Variants in MAPK10 observed in about 807,000 individuals in gnomAD.
The protein encoded by MAPK10 is JNK3 alpha protein kinase.
MAPK10 carries 25 observed loss-of-function variants against 59.3 expected under a neutral mutation model. That is an observed-to-expected ratio of 0.42 (90% CI 0.31 to 0.59). The LOEUF (loss-of-function observed/expected upper bound fraction) is 0.59. Ranked by LOEUF, MAPK10 falls within the 20% of genes least tolerant of loss-of-function variation. The pLI is 0.15. For synonymous variants in MAPK10, 190 were observed against 200.5 expected (o/e 0.95, Z 0.44); for missense variants, 351 against 568.9 (o/e 0.62, Z 3.90).
chr4:86,548,205 A>G (rs550823012), intron 1 of MAPK10, among the ~76,000 whole-genome samples: 1 of 152,120 alleles, frequency 6.6e-6, no homozygotes, highest in South Asian at 2.1e-4. Context: ...CGGGAGGAAC[A>G]AACAACTCCA....
intron 1 of MAPK10, among the ~76,000 whole-genome samples, chr4:86,544,896 A>G (rs1250087814): frequency 4.1e-5 from 6 of 147,606 alleles, no homozygotes; most frequent in Admixed American, 1.3e-4. Flanking sequence ...TTTTTTTTTC[A>G]CTATTTCAAC....
intron 1 of MAPK10, among the ~76,000 whole-genome samples, chr4:86,590,269 A>C (rs1762942275): frequency 6.6e-6 from 1 of 152,126 alleles, no homozygotes; most frequent in African/African-American, 2.4e-5. Flanking sequence ...CCGTAACCTG[A>C]ATGATACACA....
intron 2 of MAPK10, among the ~76,000 whole-genome samples, chr4:86,238,871 T>C (rs754630090): frequency 6.6e-6 from 1 of 152,222 alleles, no homozygotes; most frequent in Non-Finnish European, 1.5e-5. Context: ...CGGCCAGAAC[T>C]TCAAATACTA....
chr4:86,543,392 A>G (rs1758881959), intron 1 of MAPK10, among the ~76,000 whole-genome samples: 1 of 152,132 alleles, frequency 6.6e-6, no homozygotes, highest in Non-Finnish European at 1.5e-5. Context: ...ATGTCTAAAA[A>G]TCCTCCCTGG....
chr4:86,313,980 C>T (rs2095722136), intron 2 of MAPK10, among the ~76,000 whole-genome samples: 1 of 151,542 alleles, frequency 6.6e-6, no homozygotes, highest in Non-Finnish European at 1.5e-5. Context: ...GATATATTCA[C>T]ACAAGGAATC....
rs143264213 is a variant in MAPK10 at position 86,198,248 on chromosome 4, C to T, written c.-6-3841G>A. 4.6e-5 allele frequency among the ~76,000 whole-genome samples: 7 copies of T among 151,886 alleles called. No homozygotes were observed. In the East Asian group the frequency reaches 1.4e-3, roughly 29 times the overall value. On this transcript the variant is annotated intron_variant, in intron 2 of 13. Transcript: ENST00000641462. ...GTAGATCTAATGACTATGGGGCGGG[C>T]TCTCTGGGGCAAAGGTCAGGCATGA...
At chr4:86,520,347 CT>C (rs927118019) in intron 1 of MAPK10, among the ~76,000 whole-genome samples, 52 of 152,226 alleles carry the variant, frequency 3.4e-4, no homozygotes, top group African/African-American at 1.2e-3. Context: ...ATTGAATTAA[CT>C]TGAAAGCCTT....
At chr4:86,374,338 T>C (rs1202535444) in intron 1 of MAPK10, among the ~76,000 whole-genome samples, 2 of 152,174 alleles carry the variant, frequency 1.3e-5, no homozygotes, top group African/African-American at 2.4e-5. Context: ...CAAACCTCCA[T>C]GGCACATGTA....
intron 2 of MAPK10, among the ~76,000 whole-genome samples, chr4:86,260,238 C>T (rs1285554706): frequency 6.6e-6 from 1 of 152,032 alleles, no homozygotes; most frequent in Non-Finnish European, 1.5e-5. Flanking sequence ...TGTTCAATGT[C>T]ATTCTGTTTT....
At chr4:86,095,077 A>T (rs1242201814) in intron 9 of MAPK10, 1 of 151,872 alleles carries the variant, frequency 6.6e-6, no homozygotes, top group African/African-American at 2.4e-5. Flanking sequence ...AGTATTAAGA[A>T]GTGATCCTCT....
chr4:86,407,499 C>T lies in MAPK10; in HGVS notation c.-122+45531G>A, dbSNP rs918395591. Among the ~76,000 whole-genome samples the T allele has an allele frequency of 6.6e-5, 10 of 152,208 alleles. No homozygotes were observed. The South Asian group carries it at 1.0e-3, about 16-fold the overall frequency. ...GGCACGGCTAGAATTTGAATCCAGT[C>T]GGTCTGTTAGGAGAGTTTATGATGT... On this transcript the variant is annotated intron_variant, in intron 1 of 13. Coordinates refer to the MAPK10 transcript ENST00000361569.
intron 1 of MAPK10, chr4:86,359,015 C>G (rs1037952311): frequency 6.6e-6 from 1 of 152,120 alleles, no homozygotes; most frequent in South Asian, 2.1e-4. Flanking sequence ...TTCCTCTCCC[C>G]GGCTCAGATT....
At chr4:86,279,192 T>C (rs1002079735) in intron 2 of MAPK10, among the ~76,000 whole-genome samples, 1 of 152,184 alleles carries the variant, frequency 6.6e-6, no homozygotes, top group African/African-American at 2.4e-5. Flanking sequence ...ATTTATAGTA[T>C]ATGGAGAAAA....
chr4:86,057,843 T>C (rs2044921753), intron 11 of MAPK10, among the ~76,000 whole-genome samples: 1 of 149,982 alleles, frequency 6.7e-6, no homozygotes, highest in Non-Finnish European at 1.5e-5. Flanking sequence ...TGAAAAGTTC[T>C]TTCCTAGTGA....
At chr4:86,361,286 T>C (rs1736906825), upstream of MAPK10, among the ~76,000 whole-genome samples, 1 of 152,214 alleles carries the variant, frequency 6.6e-6, no homozygotes, top group Admixed American at 6.5e-5. Flanking sequence ...GTGAGTTGTA[T>C]GTCATTGTAG....
chr4:86,550,874 C>T (rs1343492625), intron 1 of MAPK10, among the ~76,000 whole-genome samples: 1 of 152,210 alleles, frequency 6.6e-6, no homozygotes, highest in Non-Finnish European at 1.5e-5. Flanking sequence ...CTCATCAGCA[C>T]ATGCTTCCAC....
At chr4:86,390,274 G>T (rs1742026437) in intron 1 of MAPK10, among the ~76,000 whole-genome samples, 1 of 152,136 alleles carries the variant, frequency 6.6e-6, no homozygotes, top group South Asian at 2.1e-4. Context: ...ATGATAAAAA[G>T]ATATTATTTA....
At chr4:86,325,109 A>G (rs1321864050) in intron 2 of MAPK10, among the ~76,000 whole-genome samples, 2 of 152,200 alleles carry the variant, frequency 1.3e-5, no homozygotes, top group African/African-American at 4.8e-5. Flanking sequence ...TTCTATACCT[A>G]TGAGCTTCCA....
At chr4:86,318,942 C>G (rs1303475790) in intron 2 of MAPK10, among the ~76,000 whole-genome samples, 5 of 152,084 alleles carry the variant, frequency 3.3e-5, no homozygotes, top group African/African-American at 9.7e-5. Flanking sequence ...TCTCTAAAGT[C>G]CCTTCCAACT....
Sources: gnomAD v4.1 joint callset for allele counts (sites outside exome capture counted in the v4.1 genomes callset) on GRCh38, gnomAD v4.1.1 for gene constraint, MANE v1.5 for transcripts, NCBI Gene and HGNC (gene_info 2026-07-23, HGNC 2026-07-21) for gene names.